MMGT1: variants seen among roughly 807,000 people sequenced by gnomAD.
The protein encoded by MMGT1 is membrane magnesium transporter 1.
A neutral mutation model predicts 11.7 loss-of-function variants in MMGT1; 2 were observed. That is an observed-to-expected ratio of 0.17 (90% CI 0.07 to 0.54). The LOEUF is 0.54. Ranked by LOEUF, MMGT1 falls within the 20% of genes least tolerant of loss-of-function variation. The pLI is 0.94. For missense variants in MMGT1, 74 were observed against 109.0 expected, an observed-to-expected ratio of 0.68 and a Z score of 1.43; for synonymous variants, 49 against 44.4, an observed-to-expected ratio of 1.10 and a Z score of -0.41.
chrX:135,964,850 C>A lies in MMGT1; in HGVS notation c.*174G>T. 2.7e-6 allele frequency: 1 copy of A among 366,551 alleles called. No individual in the cohort carries two copies. 30.2% of individuals were successfully genotyped at this position (366,551 alleles called of 1,213,427 possible). On this transcript the variant is annotated 3_prime_UTR_variant, in exon 4 of 4. Transcript: ENST00000305963. The stretch of plus-strand genomic sequence containing the variant: ...AAAGACTCATTTCACATATAACTTA[C>A]ACTGCATTAATGATTGGATTAACAG...
chrX:135,964,889 G>T lies in MMGT1; in HGVS notation c.*135C>A. 1 of 497,051 alleles carries T rather than the reference G, an allele frequency of 2.0e-6. No homozygotes were observed. Among genetic ancestry groups the T allele is most frequent in the Non-Finnish European group, 3.4e-6 (1 of 296,516 alleles). 41.0% of individuals were successfully genotyped at this position (497,051 alleles called of 1,213,427 possible). A position where few individuals can be genotyped will look rare whatever the true frequency, so the allele number is the denominator to read the frequency against. On this transcript the variant is annotated 3_prime_UTR_variant, in exon 4 of 4. Transcript: ENST00000305963. ...TTGGATTAACAGTATATAAACAAGGGCCATGGTTTTTTTTACTAAAGTAGG... is the reference window on the plus strand; with the variant it reads ...TTGGATTAACAGTATATAAACAAGGTCCATGGTTTTTTTTACTAAAGTAGG...
intron 2 of MMGT1, among the ~76,000 whole-genome samples, chrX:135,970,549 C>T (rs939493995): frequency 2.7e-5 from 3 of 111,924 alleles, no homozygotes; most frequent in East Asian, 2.8e-4. Context: ...AAGACTATTT[C>T]GACTACAGCT....
chrX:135,961,975 T>C lies in MMGT1; in HGVS notation c.*3049A>G, dbSNP rs2089157746. 9.1e-6 allele frequency: 1 copy of C among 109,667 alleles called. No individual in the cohort carries two copies. Among genetic ancestry groups the C allele is most frequent in the African/African-American group, 3.3e-5 (1 of 30,147 alleles). The allele number at this position is 109,667 out of a possible 1,213,427, so 9.0% of individuals were successfully genotyped here. A position where few individuals can be genotyped will look rare whatever the true frequency, so the allele number is the denominator to read the frequency against. Reference sequence around the variant, plus strand: ...ACAGCATCACAGTAGAAAAATACAGTCATAAAATTAGCTCTTACATTTTTC... The same window carrying C: ...ACAGCATCACAGTAGAAAAATACAGCCATAAAATTAGCTCTTACATTTTTC... On this transcript the variant is annotated 3_prime_UTR_variant, in exon 4 of 4. Transcript: ENST00000305963.
At chrX:135,968,602 G>A (rs782355947) in intron 2 of MMGT1, among the ~76,000 whole-genome samples, 1 of 106,103 alleles carries the variant, frequency 9.4e-6, no homozygotes, top group African/African-American at 3.4e-5. Flanking sequence ...TGCAATCTCG[G>A]CTCACTGCAA....
At position 135,965,025 on chromosome X, in the gene MMGT1, TAAC is replaced by T. The variant is rs782562473; in HGVS notation, c.392_394del (p.Arg131_Ter132delinsGln). ...CTATTATTATAATTTGTAAAAATCTTAACGACGCAGTGATTCGAGTTTTCGTAA... is the reference window on the plus strand; with the variant it reads ...CTATTATTATAATTTGTAAAAATCTTGACGCAGTGATTCGAGTTTTCGTAA... On this transcript the variant is annotated stop_lost and inframe_deletion, in exon 4 of 4. Transcript: ENST00000305963. 8 of 1,204,402 alleles carry T rather than the reference TAAC, an allele frequency of 6.6e-6. No homozygotes were observed. The African/African-American group carries it at 8.8e-5, about 13-fold the overall frequency.
intron 1 of MMGT1, among the ~76,000 whole-genome samples, chrX:135,972,111 G>GC (rs2089223030): frequency 8.9e-6 from 1 of 111,947 alleles, no homozygotes; most frequent in Non-Finnish European, 1.9e-5. Context: ...ACCACATTGT[G>GC]CTATCTGCTG....
rs1158466467 is a variant in MMGT1, at chrX:135,961,278, T to C, written c.*3746A>G. On this transcript the variant is annotated 3_prime_UTR_variant, in exon 4 of 4. Coordinates refer to ENST00000305963, the MANE Select transcript of MMGT1 (RefSeq NM_173470.3). ...AATGAGGTATTTTTATATATACTGA[T>C]ACAGAAAGATCTCATAAAACACAGG... 3.7e-5 allele frequency among the ~76,000 whole-genome samples: 4 copies of C among 109,423 alleles called. No homozygotes were observed. Among genetic ancestry groups the C allele is most frequent in the Admixed American group, 9.9e-5 (1 of 10,066 alleles).
Position 135,964,724 on chromosome X carries a change from C to A in MMGT1, c.*300G>T. 5.3e-6 allele frequency: 1 copy of A among 187,728 alleles called. No homozygotes were observed. Among genetic ancestry groups the A allele is most frequent in the Non-Finnish European group, 9.8e-6 (1 of 102,396 alleles). The allele number at this position is 187,728 out of a possible 1,213,427, so 15.5% of individuals were successfully genotyped here. A position where few individuals can be genotyped will look rare whatever the true frequency, so the allele number is the denominator to read the frequency against. ...CTAAAAAAATAAATAATCACAAAAA[C>A]CACCAACATTTTTCAAGGAAATGTG... On this transcript the variant is annotated 3_prime_UTR_variant, in exon 4 of 4. Transcript: ENST00000305963.
Position 135,963,641 on chromosome X carries a change from T to C in MMGT1, c.*1383A>G, listed in dbSNP as rs1032392001. On this transcript the variant is annotated 3_prime_UTR_variant, in exon 4 of 4. Coordinates refer to ENST00000305963, the MANE Select transcript of MMGT1 (RefSeq NM_173470.3). ...AATAATCTCATGCTTTGGGGCTATG[T>C]GTTACCAGTCAGAAGAGAAGAGCTG... is the stretch of plus-strand genomic sequence containing the variant. 2.7e-5 allele frequency: 3 copies of C among 112,424 alleles called. No individual in the cohort carries two copies. The highest frequency in any genetic ancestry group is 5.6e-5 in the Non-Finnish European group (3 of 53,250). 9.3% of individuals were successfully genotyped at this position (112,424 alleles called of 1,213,427 possible).
intron 1 of MMGT1, among the ~76,000 whole-genome samples, chrX:135,973,094 T>C (rs1446666055): frequency 1.8e-5 from 2 of 111,922 alleles, no homozygotes; most frequent in Non-Finnish European, 3.8e-5. Context: ...CACACAGATG[T>C]AGCGGTAATG....
intron 3 of MMGT1, among the ~76,000 whole-genome samples, chrX:135,965,601 C>G (rs1197432205): frequency 3.6e-5 from 4 of 110,692 alleles, no homozygotes; most frequent in African/African-American, 1.3e-4. Flanking sequence ...GACAGGGTCT[C>G]CCAATGTTGC....
At chrX:135,973,531 G>A in intron 1 of MMGT1, 66 bp downstream of exon 1, 3 of 937,717 alleles carry the variant, frequency 3.2e-6, no homozygotes, top group Non-Finnish European at 3.0e-6. Context: ...TGGTCCCTTA[G>A]AAGTGCGCCC....
chrX:135,965,396 A>G (rs1370211249), intron 3 of MMGT1, among the ~76,000 whole-genome samples: 1 of 110,971 alleles, frequency 9.0e-6, no homozygotes, highest in Non-Finnish European at 1.9e-5. Context: ...ATAGCTCTCA[A>G]ATTTCTTCTT....
rs1343429408 is a variant in MMGT1 at position 135,973,932 on chromosome X, A to G, written c.-257T>C. ...ATGGAGGCCTCTCTAGGAGGGCCGG[A>G]GCCCAACGGAGTCATAAACGAAGAG... On this transcript the variant is annotated 5_prime_UTR_variant, in exon 1 of 4. Transcript: ENST00000305963. The G allele has an allele frequency of 8.9e-7, 1 of 1,124,108 alleles. No homozygotes were observed. The highest frequency in any genetic ancestry group is 1.2e-6 in the Non-Finnish European group (1 of 851,085). The allele number at this position is 1,124,108 out of a possible 1,213,427, so 92.6% of individuals were successfully genotyped here. A position where few individuals can be genotyped will look rare whatever the true frequency, so the allele number is the denominator to read the frequency against.
intron 1 of MMGT1, among the ~76,000 whole-genome samples, 163 bp downstream of exon 1, chrX:135,973,434 C>G (rs782421749): frequency 8.9e-6 from 1 of 112,522 alleles, no homozygotes; most frequent in Non-Finnish European, 1.9e-5. Flanking sequence ...AAACTCCGAA[C>G]CTTCCACTGG....
In MMGT1 at chrX:135,962,398, A is replaced by T. The variant is rs1283306468; in HGVS notation, c.*2626T>A. The T allele has an allele frequency of 8.9e-6, 1 of 111,983 alleles. No individual in the cohort carries two copies. The highest frequency in any genetic ancestry group is 3.2e-5 in the African/African-American group (1 of 30,803). The allele number at this position is 111,983 out of a possible 1,213,427, so 9.2% of individuals were successfully genotyped here. On this transcript the variant is annotated 3_prime_UTR_variant, in exon 4 of 4. Transcript: ENST00000305963. ...TCGTTCCGTATTTTAAAGAGCCTTG[A>T]TTGGTACACACTTCTGAATATCACT...
At chrX:135,967,840 T>TTTG (rs1219447680) in intron 2 of MMGT1, among the ~76,000 whole-genome samples, 8 of 111,073 alleles carry the variant, frequency 7.2e-5, no homozygotes, top group Non-Finnish European at 1.1e-4. Flanking sequence ...TTGTTTTTTT[T>TTTG]TTGTTGTTGT....
rs12009182 is a variant in MMGT1, at chrX:135,961,443, A to C, written c.*3581T>G. ...GACACTTGAAACTGGTTACTTTTGG[A>C]GAGGAGTATTAGGGTAGGAGGGAAG... On this transcript the variant is annotated 3_prime_UTR_variant, in exon 4 of 4. Transcript: ENST00000305963. 0.037 allele frequency among the ~76,000 whole-genome samples: 4,082 copies of C among 111,161 alleles called. 68 individuals carry two copies. The highest frequency in any genetic ancestry group is 0.1 in the South Asian group (269 of 2,651).
intron 1 of MMGT1, 138 bp from the exon 2 acceptor site, chrX:135,971,248 C>A: frequency 2.9e-6 from 1 of 350,056 alleles, no homozygotes; most frequent in Non-Finnish European, 5.2e-6. Flanking sequence ...TGTAACTAAC[C>A]TGCACATTGT....
Sources: allele counts gnomAD v4.1 joint callset (sites outside exome capture counted in the v4.1 genomes callset), GRCh38; gene constraint gnomAD v4.1.1; transcripts MANE v1.5; gene names NCBI Gene and HGNC (gene_info 2026-07-23, HGNC 2026-07-21).